OSBPL11: variants seen among roughly 807,000 people sequenced by gnomAD.
OSBPL11 encodes oxysterol-binding protein-related protein 11.
A neutral mutation model predicts 84.4 loss-of-function variants in OSBPL11; 33 were observed. The ratio of observed to expected loss-of-function variants is 0.39; its 90% CI spans 0.30 to 0.52. The LOEUF is 0.52. OSBPL11 is among the 20% of genes least tolerant of loss of function. OSBPL11 has a pLI of 0.72. For synonymous variants in OSBPL11, 276 were observed against 310.2 expected, an observed-to-expected ratio of 0.89 and a Z score of 1.16; for missense variants, 736 against 901.1, an observed-to-expected ratio of 0.82 and a Z score of 2.35.
intron 1 of OSBPL11, among the ~76,000 whole-genome samples, chr3:125,593,226 T>A (rs1580069268): frequency 6.6e-6 from 1 of 152,144 alleles, no homozygotes; most frequent in South Asian, 2.1e-4. Flanking sequence ...CTGCCACAGG[T>A]CACACACATA....
chr3:125,552,162 A>T lies in OSBPL11; in HGVS notation c.1654+19T>A, dbSNP rs1353136020. ...GTGTGTATATATATATATATATATAAAATAATTTTTCTACTTACCTTCTCC... is the reference window on the plus strand; with the variant it reads ...GTGTGTATATATATATATATATATATAATAATTTTTCTACTTACCTTCTCC... On this transcript the variant is annotated intron_variant, in intron 9 of 12. Coordinates refer to ENST00000296220, the MANE Select transcript of OSBPL11 (RefSeq NM_022776.5). The T allele has an allele frequency of 1.0e-5, 14 of 1,383,204 alleles. No homozygotes were observed. Among genetic ancestry groups the T allele is most frequent in the South Asian group, 1.6e-5 (1 of 62,914 alleles). The allele number at this position is 1,383,204 out of a possible 1,614,324, so 85.7% of individuals were successfully genotyped here. A position where few individuals can be genotyped will look rare whatever the true frequency, so the allele number is the denominator to read the frequency against.
Position 125,586,424 on chromosome 3 carries a change from T to C in OSBPL11, c.165-3446A>G, listed in dbSNP as rs1472272853. ...TAAACTGTGCTAAGTGGCTTTATTA[T>C]ATTGTGTTTAGTTTGATACTCATTT... On this transcript the variant is annotated intron_variant, in intron 1 of 12. Transcript: ENST00000296220. Among the ~76,000 whole-genome samples, 4 of 152,350 alleles carry C rather than the reference T, an allele frequency of 2.6e-5. No individual in the cohort carries two copies. In the East Asian group the frequency reaches 7.7e-4, roughly 29 times the overall value.
At chr3:125,553,556 T>C (rs1169737206) in intron 8 of OSBPL11, among the ~76,000 whole-genome samples, 3 of 152,204 alleles carry the variant, frequency 2.0e-5, no homozygotes, top group Admixed American at 2.0e-4. Context: ...AAGCAAAATC[T>C]GGCAATATTT....
rs1224059400 is a variant in OSBPL11 at position 125,594,859 on chromosome 3, T to C, written c.-59A>G. ...GGGAGAGAACAATTCTGTAGTTCTG[T>C]AGGTGACTTTTTTTTTTTAAGATTT... On this transcript the variant is annotated 5_prime_UTR_variant, in exon 1 of 13. Coordinates refer to ENST00000296220, the MANE Select transcript of OSBPL11 (RefSeq NM_022776.5). The C allele has an allele frequency of 1.1e-5, 17 of 1,539,108 alleles. No homozygotes were observed. The highest frequency in any genetic ancestry group is 3.7e-5 in the South Asian group (3 of 80,262).
chr3:125,591,124 G>A (rs966596662), intron 1 of OSBPL11, among the ~76,000 whole-genome samples: 1 of 152,152 alleles, frequency 6.6e-6, no homozygotes, highest in Non-Finnish European at 1.5e-5. Context: ...TATCTCTGAG[G>A]ACTGGCTAGA....
intron 11 of OSBPL11, among the ~76,000 whole-genome samples, chr3:125,532,727 C>T (rs568996084): frequency 6.6e-6 from 1 of 151,908 alleles, no homozygotes; most frequent in Non-Finnish European, 1.5e-5. Flanking sequence ...AGCAATTCCA[C>T]TCCTGGGTAT....
chr3:125,583,317 G>A (rs1006338166), intron 1 of OSBPL11, among the ~76,000 whole-genome samples: 2 of 151,632 alleles, frequency 1.3e-5, no homozygotes, highest in East Asian at 3.9e-4. Flanking sequence ...ACAGTGGCTC[G>A]AACCTGTAAT....
In OSBPL11 at chr3:125,559,265, T is replaced by C. The variant is rs541509400; in HGVS notation, c.1155+1114A>G. Reference sequence around the variant, plus strand: ...AGTGTCAATGCTTTTCATAGTTCTGTAGGATTACGTAATTTTCTCTACATT... The same window carrying C: ...AGTGTCAATGCTTTTCATAGTTCTGCAGGATTACGTAATTTTCTCTACATT... On this transcript the variant is annotated intron_variant, in intron 8 of 12. Transcript: ENST00000296220. Among the ~76,000 whole-genome samples the C allele has an allele frequency of 4.6e-5, 7 of 152,334 alleles. No homozygotes were observed. The East Asian group carries it at 1.3e-3, about 29-fold the overall frequency.
chr3:125,551,164 TAA>T (rs1250361844), intron 9 of OSBPL11, among the ~76,000 whole-genome samples: 2 of 94,046 alleles, frequency 2.1e-5, no homozygotes, highest in Non-Finnish European at 4.1e-5. Context: ...ACCCTGTTTC[TAA>T]AAAAAAAAAA....
chr3:125,551,061 G>C (rs1935898732), intron 9 of OSBPL11, among the ~76,000 whole-genome samples: 1 of 151,630 alleles, frequency 6.6e-6, no homozygotes, highest in Non-Finnish European at 1.5e-5. Flanking sequence ...CTACTTGGGA[G>C]GCTGAGGCAG....
At chr3:125,539,021 T>C (rs1445143855) in intron 10 of OSBPL11, among the ~76,000 whole-genome samples, 1 of 151,982 alleles carries the variant, frequency 6.6e-6, no homozygotes, top group Admixed American at 6.6e-5. Flanking sequence ...TTTTTACTAG[T>C]TAATTTTACT....
At chr3:125,585,893 G>A (rs1277865265) in intron 1 of OSBPL11, among the ~76,000 whole-genome samples, 1 of 152,128 alleles carries the variant, frequency 6.6e-6, no homozygotes, top group African/African-American at 2.4e-5. Context: ...TTATAATTGA[G>A]TTACTACACA....
chr3:125,534,951 GAAAAAAA>G (rs56164804), intron 11 of OSBPL11, among the ~76,000 whole-genome samples: 752 of 64,682 alleles, frequency 0.012, no homozygotes, highest in Middle Eastern at 0.044. Flanking sequence ...TAAGAAATTA[GAAAAAAA>G]AAAAAAAAAA....
chr3:125,591,786 A>T (rs1314795450), intron 1 of OSBPL11, among the ~76,000 whole-genome samples: 1 of 152,216 alleles, frequency 6.6e-6, no homozygotes, highest in Non-Finnish European at 1.5e-5. Context: ...AATTCCAGAT[A>T]GATTAAAAAG....
At chr3:125,546,479 T>A (rs1300803112) in intron 10 of OSBPL11, among the ~76,000 whole-genome samples, 1 of 152,144 alleles carries the variant, frequency 6.6e-6, no homozygotes, top group African/African-American at 2.4e-5. Context: ...ATTACAGGCA[T>A]GCGCCACCAT....
intron 7 of OSBPL11, among the ~76,000 whole-genome samples, chr3:125,563,064 C>T (rs1005610782): frequency 5.3e-5 from 8 of 151,440 alleles, no homozygotes; most frequent in Admixed American, 4.6e-4. Context: ...ATTATACAGA[C>T]CAGTACAACA....
At position 125,579,769 on chromosome 3, in the gene OSBPL11, G is replaced by GT. The variant is rs372632618; in HGVS notation, c.409+95dup. On this transcript the variant is annotated intron_variant, in intron 3 of 12. Transcript: ENST00000296220. ...TGTATTTACATCACTGATGACAGCA[G>GT]TTTCTATTTCCAAAGCCCATATGAA... 14 of 1,088,234 alleles carry GT rather than the reference G, an allele frequency of 1.3e-5. No individual in the cohort carries two copies. In the African/African-American group the frequency reaches 2.1e-4, roughly 16 times the overall value. 67.4% of individuals were successfully genotyped at this position (1,088,234 alleles called of 1,614,324 possible). A position where few individuals can be genotyped will look rare whatever the true frequency, so the allele number is the denominator to read the frequency against.
chr3:125,589,082 CTCACGCCTGTAATCCCAGT>C (rs1936558831), intron 1 of OSBPL11, among the ~76,000 whole-genome samples: 1 of 152,116 alleles, frequency 6.6e-6, no homozygotes, highest in South Asian at 2.1e-4. Context: ...GGTGCGGTGG[CTCACGCCTGTAATCCCAGT>C]ACTTTAAGAG....
At chr3:125,579,751 A>T in intron 3 of OSBPL11, 114 bp downstream of exon 3, 1 of 891,642 alleles carries the variant, frequency 1.1e-6, no homozygotes, top group Non-Finnish European at 1.8e-6. Context: ...TATTGTATTT[A>T]CATCACTGAT....
Sources: allele counts gnomAD v4.1 joint callset (sites outside exome capture counted in the v4.1 genomes callset), GRCh38; gene constraint gnomAD v4.1.1; transcripts MANE v1.5; gene names NCBI Gene and HGNC (gene_info 2026-07-23, HGNC 2026-07-21).